Variants in ANO10 observed in about 807,000 individuals in gnomAD.
ANO10 encodes the protein anoctamin 10.
In ANO10, 77 loss-of-function variants were observed where a neutral mutation model predicts 74.7. That is an observed-to-expected ratio of 1.03 (90% confidence interval 0.86 to 1.25). The LOEUF (loss-of-function observed/expected upper bound fraction) is 1.25. Among genes scored for constraint, ANO10 ranks in the 50% most tolerant of loss-of-function variants. ANO10 has a pLI of 0.00. For synonymous variants in ANO10, 279 were observed against 284.9 expected, an observed-to-expected ratio of 0.98 and a Z score of 0.21; for missense variants, 721 against 778.1, an observed-to-expected ratio of 0.93 and a Z score of 0.87.
chr3:43,643,101 G>A (rs1032526826), intron 1 of ANO10, among the ~76,000 whole-genome samples: 4 of 150,026 alleles, frequency 2.7e-5, no homozygotes, highest in Non-Finnish European at 1.5e-5. Context: ...GCGCAATCTC[G>A]GCTCACTGCA....
chr3:43,423,394 G>A (rs183004238), intron 12 of ANO10, among the ~76,000 whole-genome samples: 47 of 152,268 alleles, frequency 3.1e-4, no homozygotes, highest in East Asian at 3.9e-4. Flanking sequence ...TCTATTGGGC[G>A]CCAGGCCCTA....
chr3:43,416,882 A>T (rs553375678), intron 12 of ANO10, among the ~76,000 whole-genome samples: 7 of 152,226 alleles, frequency 4.6e-5, no homozygotes, highest in Non-Finnish European at 8.8e-5. Context: ...AAGACGAGTT[A>T]TTTCAAACAT....
At chr3:43,679,489 GCCTCTGTAGACTCCA>G (rs1369619020) in intron 1 of ANO10, among the ~76,000 whole-genome samples, 1 of 152,196 alleles carries the variant, frequency 6.6e-6, no homozygotes, top group Non-Finnish European at 1.5e-5. Flanking sequence ...AAGCCTGCCA[GCCTCTGTAGACTCCA>G]CCTCTGGGGG....
At chr3:43,427,783 G>C (rs1417114253) in intron 12 of ANO10, among the ~76,000 whole-genome samples, 1 of 152,164 alleles carries the variant, frequency 6.6e-6, no homozygotes, top group Non-Finnish European at 1.5e-5. Context: ...CTCCATCCTA[G>C]AAATGGCACT....
Position 43,576,029 on chromosome 3 carries a change from TAAAG to T in ANO10, c.1162+659_1162+662del, listed in dbSNP as rs1201620814. Among the ~76,000 whole-genome samples the T allele has an allele frequency of 3.9e-5, 6 of 152,312 alleles. No individual in the cohort carries two copies. The South Asian group carries it at 8.3e-4, about 21-fold the overall frequency. On this transcript the variant is annotated intron_variant, in intron 6 of 12. Coordinates refer to ENST00000292246, the MANE Select transcript of ANO10 (RefSeq NM_018075.5). Reference sequence around the variant, plus strand: ...TTGTTCATTGGTTTGAATGAATAAATAAAGAGTCAATGGCCTATCAAGACCATTT... The same window carrying T: ...TTGTTCATTGGTTTGAATGAATAAATAGTCAATGGCCTATCAAGACCATTT...
chr3:43,519,163 T>C (rs2077840990), intron 11 of ANO10, among the ~76,000 whole-genome samples: 1 of 152,150 alleles, frequency 6.6e-6, no homozygotes, highest in South Asian at 2.1e-4. Flanking sequence ...AGAACCTACG[T>C]TGAAATATCA....
intron 11 of ANO10, among the ~76,000 whole-genome samples, chr3:43,509,394 T>C (rs962697540): frequency 6.6e-6 from 1 of 151,966 alleles, no homozygotes; most frequent in East Asian, 1.9e-4. Flanking sequence ...GGCAAAAACA[T>C]AGACATTTCA....
In ANO10 at chr3:43,498,327, G is replaced by C. The variant is rs1209779119; in HGVS notation, c.1797+51393C>G. 2.0e-5 allele frequency among the ~76,000 whole-genome samples: 3 copies of C among 152,262 alleles called. No homozygotes were observed. In the East Asian group the frequency reaches 5.8e-4, roughly 29 times the overall value. On this transcript the variant is annotated intron_variant, in intron 11 of 12. Transcript: ENST00000292246. ...TCTAATGCCTCCCCAGAAGATGGGT[G>C]GTACTCAGCGGGCAAGCCAACTGCC...
At chr3:43,543,013 C>A (rs2079023174) in intron 11 of ANO10, among the ~76,000 whole-genome samples, 1 of 152,150 alleles carries the variant, frequency 6.6e-6, no homozygotes, top group South Asian at 2.1e-4. Context: ...CTGCACTGGC[C>A]TCACTCTGAA....
rs4682888 is a variant in ANO10 at position 43,422,260 on chromosome 3, G to A, written c.1914+10351C>T. Among the ~76,000 whole-genome samples, 1,309 of 152,214 alleles carry A rather than the reference G, an allele frequency of 8.6e-3. 74 individuals carry two copies. The highest frequency in any genetic ancestry group is 0.075 in the Admixed American group (1,142 of 15,304). On this transcript the variant is annotated intron_variant, in intron 12 of 12. Coordinates refer to ENST00000292246, the MANE Select transcript of ANO10 (RefSeq NM_018075.5). ...GCCTCCTGAGTAGCTGGGATTACAG[G>A]TGCGTGCCACCATGCCCGGCTAATT...
In ANO10 at chr3:43,614,730, A is replaced by G. The variant is rs535708028; in HGVS notation, c.-12+7179T>C. ...TCATACTCTTCAACATAACAATGCTATTTCTAAGAATTTATCCCAAATTCT... is the reference window on the plus strand; with the variant it reads ...TCATACTCTTCAACATAACAATGCTGTTTCTAAGAATTTATCCCAAATTCT... On this transcript the variant is annotated intron_variant, in intron 1 of 12. Transcript: ENST00000292246. Among the ~76,000 whole-genome samples the G allele has an allele frequency of 2.1e-4, 30 of 141,960 alleles. No homozygotes were observed. In the East Asian group the frequency reaches 5.9e-3, roughly 28 times the overall value. The allele number at this position is 141,960 out of a possible 152,430, so 93.1% of individuals were successfully genotyped here.
intron 1 of ANO10, among the ~76,000 whole-genome samples, chr3:43,628,569 T>C (rs1446948788): frequency 6.6e-6 from 1 of 152,182 alleles, no homozygotes; most frequent in Admixed American, 6.5e-5. Context: ...AACCTTAAAC[T>C]CTGACTGCTG....
At chr3:43,552,689 T>C (rs2079523284) in intron 10 of ANO10, among the ~76,000 whole-genome samples, 1 of 104,106 alleles carries the variant, frequency 9.6e-6, no homozygotes, top group East Asian at 2.8e-4. Context: ...TGAAAAATAT[T>C]ATCTCTGGAT....
intron 9 of ANO10, among the ~76,000 whole-genome samples, chr3:43,556,374 C>A (rs1309165355): frequency 6.6e-6 from 1 of 152,174 alleles, no homozygotes; most frequent in Non-Finnish European, 1.5e-5. Context: ...GAAAATCATG[C>A]AAAGGCCTTC....
intron 11 of ANO10, among the ~76,000 whole-genome samples, chr3:43,482,444 C>G (rs1327796059): frequency 6.6e-6 from 1 of 152,000 alleles, no homozygotes; most frequent in Non-Finnish European, 1.5e-5. Context: ...AGTGCCTGAA[C>G]AATCATCTAA....
intron 11 of ANO10, among the ~76,000 whole-genome samples, chr3:43,512,163 T>G (rs2077533587): frequency 6.6e-6 from 1 of 152,188 alleles, no homozygotes; most frequent in African/African-American, 2.4e-5. Context: ...TCTATCATAT[T>G]TAGCTCCTGT....
At chr3:43,553,322 C>T (rs2079572347) in intron 10 of ANO10, among the ~76,000 whole-genome samples, 1 of 151,888 alleles carries the variant, frequency 6.6e-6, no homozygotes. Context: ...GTTCACAATG[C>T]TTCTTGAATC....
At chr3:43,382,620 C>A (rs923927178) in intron 12 of ANO10, among the ~76,000 whole-genome samples, 3 of 151,836 alleles carry the variant, frequency 2.0e-5, no homozygotes, top group African/African-American at 7.3e-5. Flanking sequence ...AAAGCTGGTT[C>A]TTTGAAAAGA....
chr3:43,440,432 A>C (rs917172552), intron 11 of ANO10, among the ~76,000 whole-genome samples: 3 of 152,198 alleles, frequency 2.0e-5, no homozygotes, highest in Non-Finnish European at 4.4e-5. Flanking sequence ...ATAGACTTTA[A>C]TTAACAAACT....
Sources: allele counts gnomAD v4.1 joint callset (sites outside exome capture counted in the v4.1 genomes callset), GRCh38; gene constraint gnomAD v4.1.1; transcripts MANE v1.5; gene names NCBI Gene and HGNC (gene_info 2026-07-23, HGNC 2026-07-21).